Variants in CELF2 observed in about 807,000 individuals in gnomAD.
CELF2 encodes CUG triplet repeat RNA-binding protein 2.
A neutral mutation model predicts 62.6 loss-of-function variants in CELF2; 8 were observed. That is an observed-to-expected ratio of 0.13 (90% CI 0.07 to 0.23). The LOEUF is 0.23. Among genes scored for constraint, CELF2 ranks in the 10% least tolerant of loss-of-function variants. The probability of loss-of-function intolerance (pLI) is 1.00; values close to 1 mark genes in which losing one functional copy is unlikely to be tolerated. For synonymous variants in CELF2, 258 were observed against 250.0 expected, an observed-to-expected ratio of 1.03 and a Z score of -0.30; for missense variants, 333 against 671.0, an observed-to-expected ratio of 0.50 and a Z score of 5.56.
At chr10:10,962,266 A>G (rs2049598543) in intron 2 of CELF2, among the ~76,000 whole-genome samples, 1 of 152,238 alleles carries the variant, frequency 6.6e-6, no homozygotes, top group African/African-American at 2.4e-5. Context: ...GAGGTTTCAG[A>G]CAAAACCAAA....
intron 2 of CELF2, among the ~76,000 whole-genome samples, chr10:11,181,741 G>A (rs2073457131): frequency 6.6e-6 from 1 of 152,240 alleles, no homozygotes; most frequent in African/African-American, 2.4e-5. Context: ...CCTTGGGGCT[G>A]TTTTAGTCCA....
At chr10:10,676,538 C>G in the CELF2 span, among the ~76,000 whole-genome samples, 1 of 152,194 alleles carries the variant, frequency 6.6e-6, no homozygotes, top group African/African-American at 2.4e-5. Context: ...AGGATCTGGT[C>G]AAGCTCCTGC....
At chr10:11,124,135 A>G (rs1040913001) in intron 1 of CELF2, among the ~76,000 whole-genome samples, 1 of 152,180 alleles carries the variant, frequency 6.6e-6, no homozygotes, top group Non-Finnish European at 1.5e-5. Flanking sequence ...CTGCCCCATG[A>G]TTCATTTATT....
chr10:11,195,527 T>G (rs994258510), intron 2 of CELF2, among the ~76,000 whole-genome samples: 1 of 152,232 alleles, frequency 6.6e-6, no homozygotes, highest in East Asian at 1.9e-4. Flanking sequence ...GCAATGTCAC[T>G]AAGGCAGTGT....
At chr10:10,616,793 G>T in the CELF2 span, among the ~76,000 whole-genome samples, 1 of 151,018 alleles carries the variant, frequency 6.6e-6, no homozygotes, top group Non-Finnish European at 1.5e-5. Flanking sequence ...AATAATCATA[G>T]CTCACTGCAG....
intron 1 of CELF2, among the ~76,000 whole-genome samples, chr10:11,148,842 A>AC (rs1255145119): frequency 7.2e-6 from 1 of 138,722 alleles, no homozygotes; most frequent in African/African-American, 2.7e-5. Context: ...ATCTTAAACC[A>AC]AACACACACA....
At chr10:11,158,296 G>A (rs2064967133) in intron 1 of CELF2, among the ~76,000 whole-genome samples, 1 of 152,180 alleles carries the variant, frequency 6.6e-6, no homozygotes, top group Non-Finnish European at 1.5e-5. Flanking sequence ...GTAAAGTTAG[G>A]GGCAGTCACA....
At chr10:10,547,690 A>AGT in the CELF2 span, among the ~76,000 whole-genome samples, 97 of 131,120 alleles carry the variant, frequency 7.4e-4, no homozygotes, top group Non-Finnish European at 1.1e-3. Flanking sequence ...AGAGAGAGAG[A>AGT]GAGTGTGTGT....
chr10:10,728,227 T>G, the CELF2 span, among the ~76,000 whole-genome samples: 1 of 147,384 alleles, frequency 6.8e-6, no homozygotes, highest in African/African-American at 2.5e-5. Context: ...GATCACGAGG[T>G]CAGGAGTTTG....
the CELF2 span, among the ~76,000 whole-genome samples, chr10:10,767,427 C>G: frequency 6.6e-6 from 1 of 152,098 alleles, no homozygotes; most frequent in Non-Finnish European, 1.5e-5. Context: ...TACCAATGCT[C>G]TCAGCCTAAG....
intron 5 of CELF2, among the ~76,000 whole-genome samples, chr10:11,258,132 G>A (rs562965587): frequency 6.6e-6 from 1 of 152,208 alleles, no homozygotes; most frequent in Non-Finnish European, 1.5e-5. Flanking sequence ...CTACTGCTAG[G>A]CATCCTTTTC....
chr10:10,499,652 G>A, the CELF2 span, among the ~76,000 whole-genome samples: 235 of 152,276 alleles, frequency 1.5e-3, 1 homozygote, highest in African/African-American at 5.3e-3. Context: ...GGCCAAGGCG[G>A]GCAGATCATG....
At chr10:11,195,549 A>G (rs1364540518) in intron 2 of CELF2, among the ~76,000 whole-genome samples, 2 of 152,214 alleles carry the variant, frequency 1.3e-5, no homozygotes, top group East Asian at 1.9e-4. Context: ...ACTAAGGGAA[A>G]CAGGACAAGG....
Position 11,331,970 on chromosome 10 carries a change from T to TGACTACTTTGTTCTTTG in CELF2, c.*2919_*2935dup, listed in dbSNP as rs2096032373. 6.6e-6 allele frequency: 1 copy of TGACTACTTTGTTCTTTG among 152,294 alleles called. No homozygotes were observed. The highest frequency in any genetic ancestry group is 1.5e-5 in the Non-Finnish European group (1 of 68,044). 9.4% of individuals were successfully genotyped at this position (152,294 alleles called of 1,614,324 possible). A position where few individuals can be genotyped will look rare whatever the true frequency, so the allele number is the denominator to read the frequency against. On this transcript the variant is annotated 3_prime_UTR_variant, in exon 13 of 13. Transcript: ENST00000633077. ...ATCTATCCTCTAAGTTGTTTCGGTT[T>TGACTACTTTGTTCTTTG]GACTACTTTGTTCTTTGGTTAAGAT...
intron 2 of CELF2, among the ~76,000 whole-genome samples, chr10:10,927,438 AT>A (rs951990978): frequency 6.9e-5 from 10 of 145,554 alleles, no homozygotes; most frequent in East Asian, 6.0e-4. Context: ...TTATTTATTT[AT>A]TTTTTTTGAA....
At chr10:10,504,611 C>A in the CELF2 span, among the ~76,000 whole-genome samples, 6 of 152,128 alleles carry the variant, frequency 3.9e-5, no homozygotes, top group African/African-American at 1.4e-4. Flanking sequence ...TCTTTGAGTA[C>A]TTTTTTACCA....
chr10:10,840,802 G>T (rs947319743), intron 1 of CELF2, among the ~76,000 whole-genome samples: 1 of 152,048 alleles, frequency 6.6e-6, no homozygotes, highest in Non-Finnish European at 1.5e-5. Flanking sequence ...TTTCAGCCCT[G>T]CATGCATTTG....
At chr10:10,707,348 T>A in the CELF2 span, among the ~76,000 whole-genome samples, 2 of 152,222 alleles carry the variant, frequency 1.3e-5, no homozygotes, top group African/African-American at 4.8e-5. Context: ...GAGGAACTTT[T>A]TATTATGTCA....
At chr10:10,890,185 A>T (rs905695551) in intron 1 of CELF2, among the ~76,000 whole-genome samples, 1 of 152,190 alleles carries the variant, frequency 6.6e-6, no homozygotes, top group African/African-American at 2.4e-5. Context: ...GAGAATAATG[A>T]TATATCAGGT....
Sources: gnomAD v4.1 joint callset for allele counts (sites outside exome capture counted in the v4.1 genomes callset) on GRCh38, gnomAD v4.1.1 for gene constraint, MANE v1.5 for transcripts, NCBI Gene and HGNC (gene_info 2026-07-23, HGNC 2026-07-21) for gene names.